Variants in UNC5D observed in about 807,000 individuals in gnomAD.
UNC5D encodes netrin receptor UNC5D.
UNC5D carries 39 observed loss-of-function variants against 105.4 expected under a neutral mutation model. That is an observed-to-expected ratio of 0.37 (90% CI 0.29 to 0.48). The LOEUF (loss-of-function observed/expected upper bound fraction) is 0.48. UNC5D is among the 20% of genes least tolerant of loss of function. The pLI is 0.98. For missense variants in UNC5D, 991 were observed against 1,202.4 expected, an observed-to-expected ratio of 0.82 and a Z score of 2.60; for synonymous variants, 452 against 450.4, an observed-to-expected ratio of 1.00 and a Z score of -0.04.
chr8:35,731,022 A>AG lies in UNC5D; in HGVS notation c.1692_1693insG (p.Leu565AlafsTer23). The stretch of plus-strand genomic sequence containing the variant: ...CTTTTTCTGTTTTAGGGGTGAGCTT[A>AG]CTCATACCACACGGTGCCATCCCAG... On this transcript the variant is annotated frameshift_variant, in exon 11 of 17. Transcript: ENST00000404895. LOFTEE classifies it high-confidence loss of function. The AG allele has an allele frequency of 6.2e-7, 1 of 1,613,872 alleles. No individual in the cohort carries two copies. Among genetic ancestry groups the AG allele is most frequent in the Non-Finnish European group, 8.5e-7 (1 of 1,179,838 alleles).
chr8:35,457,692 C>A (rs1808586322), intron 1 of UNC5D, among the ~76,000 whole-genome samples: 1 of 152,222 alleles, frequency 6.6e-6, no homozygotes, highest in African/African-American at 2.4e-5. Flanking sequence ...AAGAAAGGGA[C>A]ATGACTGAGG....
chr8:35,600,992 G>A (rs1157729502), intron 4 of UNC5D, among the ~76,000 whole-genome samples: 1 of 151,948 alleles, frequency 6.6e-6, no homozygotes, highest in African/African-American at 2.4e-5. Context: ...TGTAAGGAAG[G>A]GATCGAGTTT....
chr8:35,737,205 C>CG (rs1482059784), intron 11 of UNC5D, among the ~76,000 whole-genome samples: 86 of 149,686 alleles, frequency 5.7e-4, no homozygotes, highest in African/African-American at 2.1e-3. Flanking sequence ...TTGCTGTCAG[C>CG]GGGGAGTTTT....
intron 1 of UNC5D, among the ~76,000 whole-genome samples, chr8:35,447,928 G>A (rs1807903883): frequency 6.6e-6 from 1 of 151,978 alleles, no homozygotes; most frequent in South Asian, 2.1e-4. Context: ...TATTCTACCA[G>A]GAAATAATAC....
At chr8:35,270,661 C>A (rs1018396588) in intron 1 of UNC5D, among the ~76,000 whole-genome samples, 1 of 152,146 alleles carries the variant, frequency 6.6e-6, no homozygotes, top group Non-Finnish European at 1.5e-5. Context: ...AAACTAAAAT[C>A]TTGTGTCCTG....
intron 2 of UNC5D, among the ~76,000 whole-genome samples, chr8:35,562,048 T>C (rs1817005385): frequency 6.6e-6 from 1 of 152,188 alleles, no homozygotes; most frequent in African/African-American, 2.4e-5. Context: ...TCTTGGCCTC[T>C]GGTAACCACC....
chr8:35,769,321 A>G (rs1801906401), intron 15 of UNC5D, among the ~76,000 whole-genome samples: 1 of 152,122 alleles, frequency 6.6e-6, no homozygotes, highest in African/African-American at 2.4e-5. Flanking sequence ...CTACTTCTGG[A>G]CCCCAGTCAA....
chr8:35,623,651 A>G (rs1821504003), intron 4 of UNC5D, among the ~76,000 whole-genome samples: 2 of 152,180 alleles, frequency 1.3e-5, no homozygotes, highest in Non-Finnish European at 2.9e-5. Context: ...AAGTGTTGCC[A>G]ACTTTTAATA....
rs532364272 is a variant in UNC5D at position 35,423,899 on chromosome 8, C to G, written c.104-125393C>G. 1.1e-3 allele frequency among the ~76,000 whole-genome samples: 160 copies of G among 147,734 alleles called. 1 individual carries two copies. The highest frequency in any genetic ancestry group is 3.7e-3 in the African/African-American group (148 of 39,908). ...ACAGATTCTCACTCTTCCCTGCAGG[C>G]AGAAGTTCAGTGTTACAGTCATAGT... On this transcript the variant is annotated intron_variant, in intron 1 of 16. Transcript: ENST00000404895.
intron 7 of UNC5D, among the ~76,000 whole-genome samples, chr8:35,694,928 G>A (rs1826654625): frequency 6.6e-6 from 1 of 152,066 alleles, no homozygotes; most frequent in Non-Finnish European, 1.5e-5. Flanking sequence ...GAAAAAAAAT[G>A]TTTTCCATGT....
At chr8:35,677,950 G>GTA (rs371264695) in intron 4 of UNC5D, among the ~76,000 whole-genome samples, 1,614 of 150,984 alleles carry the variant, frequency 0.011, 14 homozygotes, top group South Asian at 0.015. Context: ...GTGTGTATGT[G>GTA]TATATATATA....
chr8:35,333,417 G>A (rs933200594), intron 1 of UNC5D, among the ~76,000 whole-genome samples: 3 of 152,088 alleles, frequency 2.0e-5, no homozygotes, highest in African/African-American at 4.8e-5. Flanking sequence ...TTTTGCATTT[G>A]TTATTTTTTA....
intron 1 of UNC5D, among the ~76,000 whole-genome samples, chr8:35,493,296 A>C (rs570830259): frequency 1.1e-4 from 16 of 151,246 alleles, no homozygotes; most frequent in South Asian, 8.3e-4. Flanking sequence ...AAAAAAAAAA[A>C]AAAAAAAACA....
intron 1 of UNC5D, among the ~76,000 whole-genome samples, chr8:35,292,974 C>T (rs1446697705): frequency 1.3e-5 from 2 of 151,990 alleles, no homozygotes; most frequent in African/African-American, 4.8e-5. Flanking sequence ...AGATGTGAGC[C>T]ACCATGCCTG....
At chr8:35,652,661 C>T (rs974715326) in intron 4 of UNC5D, among the ~76,000 whole-genome samples, 21 of 151,856 alleles carry the variant, frequency 1.4e-4, no homozygotes, top group African/African-American at 4.6e-4. Context: ...CACTCCACCC[C>T]TAAAATTTTT....
At chr8:35,435,608 TG>T (rs1259236702) in intron 1 of UNC5D, among the ~76,000 whole-genome samples, 16 of 152,052 alleles carry the variant, frequency 1.1e-4, no homozygotes, top group Admixed American at 9.8e-4. Context: ...TTCAAAAAAA[TG>T]TAAAGCTTTT....
chr8:35,421,133 G>C (rs1230962289), intron 1 of UNC5D, among the ~76,000 whole-genome samples: 3 of 152,088 alleles, frequency 2.0e-5, no homozygotes, highest in Non-Finnish European at 2.9e-5. Context: ...TCTCAGGAAA[G>C]GTTATGACAT....
At chr8:35,782,502 AT>A (rs939339572) in intron 16 of UNC5D, among the ~76,000 whole-genome samples, 2,048 of 138,180 alleles carry the variant, frequency 0.015, 20 homozygotes, top group African/African-American at 0.036. Context: ...CTACTCAAAA[AT>A]TTTTTTTTTT....
rs58201859 is a variant in UNC5D, at chr8:35,789,137, C to CTATATATA, written c.2658-1178_2658-1171dup. On this transcript the variant is annotated intron_variant, in intron 16 of 16. Transcript: ENST00000404895. ...AAATAAGACTGAGTGGGAGAAAAGACTATATATATATATATATATATATAT... is the reference window on the plus strand; with the variant it reads ...AAATAAGACTGAGTGGGAGAAAAGACTATATATATATATATATATATATATATATATAT... Among the ~76,000 whole-genome samples the CTATATATA allele has an allele frequency of 4.6e-3, 149 of 32,388 alleles. 9 individuals carry two copies. The highest frequency in any genetic ancestry group is 8.2e-3 in the Non-Finnish European group (93 of 11,320). The allele number at this position is 32,388 out of a possible 152,430, so 21.2% of individuals were successfully genotyped here.
Sources: gnomAD v4.1 joint callset for allele counts (sites outside exome capture counted in the v4.1 genomes callset) on GRCh38, gnomAD v4.1.1 for gene constraint, MANE v1.5 for transcripts, NCBI Gene and HGNC (gene_info 2026-07-23, HGNC 2026-07-21) for gene names.